NPHP3: variants seen among roughly 807,000 people sequenced by gnomAD.
The protein encoded by NPHP3 is nephrocystin 3.
In NPHP3, 123 loss-of-function variants were observed where a neutral mutation model predicts 171.9. That is an observed-to-expected ratio of 0.72 (90% CI 0.62 to 0.83). The LOEUF (loss-of-function observed/expected upper bound fraction) is 0.83. NPHP3 is among the 40% of genes least tolerant of loss of function. The probability of loss-of-function intolerance (pLI) is 0.00; values close to 1 mark genes in which losing one functional copy is unlikely to be tolerated. For missense variants in NPHP3, 1,506 were observed against 1,591.9 expected (o/e 0.95, Z 0.92); for synonymous variants, 558 against 579.2 (o/e 0.96, Z 0.52).
rs779346769 is a variant in NPHP3 at position 132,721,970 on chromosome 3, T to G, written c.386A>C (p.Glu129Ala). The G allele has an allele frequency of 6.2e-7, 1 of 1,612,706 alleles. No individual in the cohort carries two copies. The highest frequency in any genetic ancestry group is 8.5e-7 in the Non-Finnish European group (1 of 1,179,866). ...LDTENKRLRAELQALQKTYQK... is the reference protein window; with the variant it reads ...LDTENKRLRAALQALQKTYQK... Reference sequence around the variant, plus strand: ...GGCCCAGCCCGGCGTTACCTGCAGTTCGGCCCGCAGCCGCTTGTTCTCCGT... The same window carrying G: ...GGCCCAGCCCGGCGTTACCTGCAGTGCGGCCCGCAGCCGCTTGTTCTCCGT... The change falls in exon 1 of 27, where the codon GAA becomes GCA. Residue 129 changes from glutamate (E) to alanine (A), a missense_variant. Physicochemically the swap from Glu to Ala is moderately radical, Grantham distance 107. This residue lies in a region of NPHP3 where 930 missense variants were observed against 924.9 expected (regional missense o/e 1.01). Coordinates refer to ENST00000337331, the MANE Select transcript of NPHP3 (RefSeq NM_153240.5).
At chr3:132,717,201 C>T (rs377706834) in intron 3 of NPHP3, 11 of 333,834 alleles carry the variant, frequency 3.3e-5, no homozygotes, top group African/African-American at 1.3e-4. Context: ...AAACATTTTA[C>T]AAAAAAAAAT....
At chr3:132,685,568 CATATAA>C (rs1332171406) in intron 23 of NPHP3, 6 of 152,144 alleles carry the variant, frequency 3.9e-5, no homozygotes, top group African/African-American at 7.2e-5. Context: ...CTTTTTATAA[CATATAA>C]ATATAAATGT....
At chr3:132,719,925 G>A (rs1343179017) in intron 1 of NPHP3, 95 bp from the exon 2 acceptor site, 14 of 478,964 alleles carry the variant, frequency 2.9e-5, no homozygotes, top group South Asian at 1.2e-4. Context: ...TATATGTTAC[G>A]TATCTTAGAA....
intron 6 of NPHP3, among the ~76,000 whole-genome samples, chr3:132,709,726 T>C (rs1939859879): frequency 6.6e-6 from 1 of 152,178 alleles, no homozygotes; most frequent in Non-Finnish European, 1.5e-5. Context: ...CGATATTGTA[T>C]GATTCAGAAT....
At chr3:132,720,776 C>T (rs2108005189) in intron 1 of NPHP3, among the ~76,000 whole-genome samples, 1 of 152,150 alleles carries the variant, frequency 6.6e-6, no homozygotes, top group Non-Finnish European at 1.5e-5. Context: ...CCGACTGTAA[C>T]GACTCCGGGA....
At position 132,687,175 on chromosome 3, in the gene NPHP3, T is replaced by C; in HGVS notation, c.3177A>G (p.Lys1059=). Residue 1059 remains lysine, a synonymous_variant, in exon 22 of 27, where the codon AAA becomes AAG. Coordinates refer to ENST00000337331, the MANE Select transcript of NPHP3 (RefSeq NM_153240.5). The part of the protein sequence containing the change: ...FRKKSFKIHQ[K]AIKKKGNLYG... ...CCAAGTTGCCTTTTTTCTTTATAGC[T>C]TTCTGATGAATTTTAAAGGATTTTT... 6.8e-7 allele frequency: 1 copy of C among 1,479,316 alleles called. No homozygotes were observed. The highest frequency in any genetic ancestry group is 9.4e-7 in the Non-Finnish European group (1 of 1,060,076). 91.6% of individuals were successfully genotyped at this position (1,479,316 alleles called of 1,614,324 possible). A position where few individuals can be genotyped will look rare whatever the true frequency, so the allele number is the denominator to read the frequency against.
intron 6 of NPHP3, chr3:132,712,326 A>G (rs1267634349): frequency 2.3e-6 from 1 of 427,372 alleles, no homozygotes; most frequent in African/African-American, 2.0e-5. Flanking sequence ...AAAGAAAAGA[A>G]TGAAGGTTAA....
chr3:132,683,576 T>G (rs1336285111), intron 24 of NPHP3, 52 bp from the exon 25 acceptor site: 1 of 1,429,986 alleles, frequency 7.0e-7, no homozygotes, highest in East Asian at 2.3e-5. Flanking sequence ...AAATACTATC[T>G]TATCAGAGCT....
chr3:132,713,225 T>TA lies in NPHP3; in HGVS notation c.1018dup (p.Tyr340LeufsTer7), dbSNP rs1560014208. The TA allele has an allele frequency of 5.0e-6, 8 of 1,600,174 alleles. No individual in the cohort carries two copies. The highest frequency in any genetic ancestry group is 6.0e-6 in the Non-Finnish European group (7 of 1,170,878). ...TTGATTTTCAACATCTATTGGAAAA[T>TA]AAACAGCATGGAAAAAATATCCCAT... On this transcript the variant is annotated frameshift_variant, in exon 6 of 27. Transcript: ENST00000337331. LOFTEE classifies it high-confidence loss of function.
intron 11 of NPHP3, 83 bp from the exon 12 acceptor site, chr3:132,700,144 T>A: frequency 6.6e-7 from 1 of 1,526,210 alleles, no homozygotes; most frequent in Middle Eastern, 1.7e-4. Flanking sequence ...ATATTTCTAT[T>A]CTTACTTTTT....
chr3:132,682,346 T>C lies in NPHP3; in HGVS notation c.3813-256A>G, dbSNP rs899236754. On this transcript the variant is annotated intron_variant, in intron 26 of 26. Transcript: ENST00000337331. ...AGGCAGTGAAATTGCTAAGCAAAGT[T>C]AGGTATTCTCTGCATCCTGAGAAAA... 11 of 563,280 alleles carry C rather than the reference T, an allele frequency of 2.0e-5. No individual in the cohort carries two copies. In the Admixed American group the frequency reaches 2.8e-4, roughly 14 times the overall value. 34.9% of individuals were successfully genotyped at this position (563,280 alleles called of 1,614,324 possible). A position where few individuals can be genotyped will look rare whatever the true frequency, so the allele number is the denominator to read the frequency against.
rs766281273 is a variant in NPHP3 at position 132,682,028 on chromosome 3, T to G, written c.3875A>C (p.Glu1292Ala). 2.2e-5 allele frequency: 36 copies of G among 1,614,094 alleles called. No homozygotes were observed. The highest frequency in any genetic ancestry group is 2.9e-5 in the Non-Finnish European group (34 of 1,179,956). The change falls in exon 27 of 27, where the codon GAA becomes GCA. Residue 1292 changes from glutamate (E) to alanine (A), a missense_variant. By Grantham distance (107) the Glu-to-Ala change is moderately radical. Coordinates refer to ENST00000337331, the MANE Select transcript of NPHP3 (RefSeq NM_153240.5). ...ELYKRAMEIK[E>A]AETSLLGGKA... ...TCCACCCAAGAGTGATGTTTCTGCT[T>G]CTTTTATTTCCATTGCCCTTTTGTA... is the stretch of plus-strand genomic sequence containing the variant.
chr3:132,717,238 C>T, intron 3 of NPHP3: 1 of 254,664 alleles, frequency 3.9e-6, no homozygotes, highest in Non-Finnish European at 7.7e-6. Context: ...AACTGTACAG[C>T]TTAGACACCA....
chr3:132,718,433 A>AGT (rs1282245991), intron 3 of NPHP3, among the ~76,000 whole-genome samples: 1 of 152,248 alleles, frequency 6.6e-6, no homozygotes, highest in Non-Finnish European at 1.5e-5. Flanking sequence ...CTATAAGGCA[A>AGT]GTATTCTAAA....
chr3:132,719,743 A>C lies in NPHP3; in HGVS notation c.481T>G (p.Phe161Val), dbSNP rs1940154548. 6.3e-7 allele frequency: 1 copy of C among 1,577,528 alleles called. No homozygotes were observed. Among genetic ancestry groups the C allele is most frequent in the Admixed American group, 1.7e-5 (1 of 58,006 alleles). Residue 161 changes from phenylalanine (F) to valine (V), a missense_variant, in exon 2 of 27, where the codon TTT becomes GTT. Physicochemically the swap from Phe to Val is conservative, Grantham distance 50. Transcript: ENST00000337331. ...TTAACTTTATCTCTGTCATGTTCAA[A>C]TGTTGCTGCTCTCTCCATTGCTTGG... Reference protein sequence around the residue: ...KYQAMERAATFEHDRDKVKRQ... With the variant: ...KYQAMERAATVEHDRDKVKRQ...
chr3:132,694,524 G>A (rs984128147), intron 16 of NPHP3, among the ~76,000 whole-genome samples: 4 of 152,062 alleles, frequency 2.6e-5, no homozygotes, highest in African/African-American at 9.7e-5. Flanking sequence ...TTTGTTTTCA[G>A]TATGCAGAAC....
At chr3:132,683,119 C>T (rs950194303) in intron 25 of NPHP3, among the ~76,000 whole-genome samples, 2 of 152,134 alleles carry the variant, frequency 1.3e-5, no homozygotes, top group Admixed American at 1.3e-4. Context: ...TCAAATGCCA[C>T]AGGCTTAAAT....
intron 6 of NPHP3, among the ~76,000 whole-genome samples, chr3:132,708,802 C>T (rs188657672): frequency 6.6e-5 from 10 of 152,234 alleles, no homozygotes; most frequent in African/African-American, 2.4e-4. Context: ...AAATCTCTTA[C>T]AATGAAACAT....
Position 132,689,140 on chromosome 3 carries a change from C to T in NPHP3, c.2817G>A (p.Met939Ile), listed in dbSNP as rs760355143. ...YEKNCEGEDN[M>I]SCLADLYETL... ...TTTCATAAAGATCAGCTAAGCAACT[C>T]ATGTTGTCCTCGCCTTCGCAGTTTT... The change falls in exon 20 of 27, where the codon ATG becomes ATA. Residue 939 changes from methionine (M) to isoleucine (I), a missense_variant. This residue lies in a region of NPHP3 where 569 missense variants were observed against 648.1 expected (regional missense o/e 0.88). Coordinates refer to ENST00000337331, the MANE Select transcript of NPHP3 (RefSeq NM_153240.5). 8.7e-6 allele frequency: 14 copies of T among 1,614,170 alleles called. 1 individual carries two copies. In the Admixed American group the frequency reaches 2.0e-4, roughly 23 times the overall value.
Sources: allele counts gnomAD v4.1 joint callset (sites outside exome capture counted in the v4.1 genomes callset), GRCh38; gene constraint gnomAD v4.1.1; regional missense constraint gnomAD v4.1.1; transcripts MANE v1.5; gene names NCBI Gene and HGNC (gene_info 2026-07-23, HGNC 2026-07-21).